The following DAB1 variants were observed in gnomAD, a reference collection of about 807,000 sequenced individuals.
The protein encoded by DAB1 is disabled homolog 1.
Under a neutral mutation model 64.6 loss-of-function variants are expected in DAB1, and 15 were observed. The observed-to-expected ratio is 0.23, with a 90% confidence interval of 0.16 to 0.36. DAB1 has a LOEUF of 0.36. Among genes scored for constraint, DAB1 ranks in the 10% least tolerant of loss-of-function variants. The probability of loss-of-function intolerance (pLI) is 1.00; values close to 1 mark genes in which losing one functional copy is unlikely to be tolerated. For synonymous variants in DAB1, 235 were observed against 251.9 expected, an observed-to-expected ratio of 0.93 and a Z score of 0.64; for missense variants, 596 against 706.7, an observed-to-expected ratio of 0.84 and a Z score of 1.78.
intron 7 of DAB1, among the ~76,000 whole-genome samples, chr1:57,598,760 A>G (rs937848710): frequency 6.6e-6 from 1 of 152,164 alleles, no homozygotes; most frequent in African/African-American, 2.4e-5. Context: ...CCCAGTCCAC[A>G]TGAGGGGAAA....
Position 57,731,489 on chromosome 1 carries a change from T to TA in DAB1, n.552-81825dup, listed in dbSNP as rs562415767. ...TTATGCTATGTATATCTTACCACAA[T>TA]AAAAAATGAAAAAAAAGAATTAATA... On this transcript the variant is annotated intron_variant and non_coding_transcript_variant, in intron 6 of 20. Transcript: ENST00000485760. Among the ~76,000 whole-genome samples the TA allele has an allele frequency of 2.0e-4, 30 of 151,776 alleles. No homozygotes were observed. In the East Asian group the frequency reaches 5.4e-3, roughly 27 times the overall value.
intron 14 of DAB1, among the ~76,000 whole-genome samples, chr1:57,007,814 C>T (rs533871250): frequency 6.6e-6 from 1 of 152,332 alleles, no homozygotes; most frequent in African/African-American, 2.4e-5. Flanking sequence ...ATAACTTTCC[C>T]TGCATGGTCT....
rs138092513 is a variant in DAB1 at position 58,010,443 on chromosome 1, C to T, written n.388-126281G>A. Among the ~76,000 whole-genome samples, 588 of 152,270 alleles carry T rather than the reference C, an allele frequency of 3.9e-3. 12 individuals are homozygous for T. Among genetic ancestry groups the T allele is most frequent in the Non-Finnish European group, 8.1e-4 (55 of 68,018 alleles). On this transcript the variant is annotated intron_variant and non_coding_transcript_variant, in intron 5 of 20. Transcript: ENST00000485760. The stretch of plus-strand genomic sequence containing the variant: ...AAAGCGCCACACATGCTTGGAAGAA[C>T]ACACACATAAAAGCGCAATTTGAAC...
intron 3 of DAB1, among the ~76,000 whole-genome samples, chr1:58,475,695 A>G (rs1286677725): frequency 1.3e-5 from 2 of 152,164 alleles, no homozygotes; most frequent in Non-Finnish European, 2.9e-5. Flanking sequence ...AATCAGCACA[A>G]TGCAGCACTT....
At chr1:58,018,015 C>T (rs918357286) in intron 5 of DAB1, among the ~76,000 whole-genome samples, 3 of 152,254 alleles carry the variant, frequency 2.0e-5, no homozygotes, top group South Asian at 2.1e-4. Flanking sequence ...AACCACGGTT[C>T]GCCAATTGAC....
At chr1:57,371,899 G>T (rs1010163956) in intron 1 of DAB1, among the ~76,000 whole-genome samples, 6 of 152,194 alleles carry the variant, frequency 3.9e-5, no homozygotes, top group African/African-American at 9.6e-5. Flanking sequence ...AGAGGCCAGG[G>T]ATGCTACTAA....
intron 4 of DAB1, among the ~76,000 whole-genome samples, chr1:58,176,590 G>A (rs1185008632): frequency 1.3e-5 from 2 of 152,140 alleles, no homozygotes; most frequent in Admixed American, 1.3e-4. Flanking sequence ...GAAGGCAAGA[G>A]GGCAAGAGAG....
chr1:58,330,384 T>C (rs1457866971), intron 4 of DAB1, among the ~76,000 whole-genome samples: 1 of 152,214 alleles, frequency 6.6e-6, no homozygotes, highest in Non-Finnish European at 1.5e-5. Flanking sequence ...ATAACATAAA[T>C]GTGCAAGGTG....
chr1:57,489,136 C>T (rs1047647080), intron 7 of DAB1, among the ~76,000 whole-genome samples: 1 of 152,224 alleles, frequency 6.6e-6, no homozygotes, highest in Non-Finnish European at 1.5e-5. Flanking sequence ...CCTCTTGATG[C>T]TTTTGCCACT....
At chr1:57,648,711 T>C (rs1220924061) in intron 7 of DAB1, among the ~76,000 whole-genome samples, 1 of 152,212 alleles carries the variant, frequency 6.6e-6, no homozygotes, top group Non-Finnish European at 1.5e-5. Context: ...AAATATATTA[T>C]CTGGGCTTTT....
chr1:58,523,296 T>C (rs1455138089), intron 2 of DAB1, among the ~76,000 whole-genome samples: 1 of 152,242 alleles, frequency 6.6e-6, no homozygotes, highest in Non-Finnish European at 1.5e-5. Flanking sequence ...AACATCTGGA[T>C]AGTTTGCTTC....
chr1:57,532,219 G>A (rs1272525286), intron 7 of DAB1, among the ~76,000 whole-genome samples: 2 of 148,964 alleles, frequency 1.3e-5, no homozygotes, highest in Non-Finnish European at 3.0e-5. Flanking sequence ...ACAGGGTTGG[G>A]GGAGGAGTGA....
At chr1:58,102,997 C>T (rs920360791) in intron 5 of DAB1, among the ~76,000 whole-genome samples, 1 of 152,098 alleles carries the variant, frequency 6.6e-6, no homozygotes, top group African/African-American at 2.4e-5. Flanking sequence ...CTGGATAGAA[C>T]TGTTTGGATC....
chr1:57,742,503 T>A (rs1333237448), intron 6 of DAB1, among the ~76,000 whole-genome samples: 1 of 152,010 alleles, frequency 6.6e-6, no homozygotes, highest in Non-Finnish European at 1.5e-5. Flanking sequence ...CTCTTTATGA[T>A]AGTGACATGA....
chr1:58,075,273 A>G (rs965635790), intron 5 of DAB1, among the ~76,000 whole-genome samples: 1 of 152,168 alleles, frequency 6.6e-6, no homozygotes, highest in Non-Finnish European at 1.5e-5. Flanking sequence ...TCTGTTCAAA[A>G]ATACTCTGGG....
intron 5 of DAB1, among the ~76,000 whole-genome samples, chr1:58,076,316 C>T (rs1411659912): frequency 1.3e-5 from 2 of 152,122 alleles, no homozygotes; most frequent in South Asian, 2.1e-4. Context: ...AGGTGATAAG[C>T]AGGAGATCAG....
intron 3 of DAB1, among the ~76,000 whole-genome samples, chr1:58,431,864 T>C (rs1644879814): frequency 6.6e-6 from 1 of 152,166 alleles, no homozygotes; most frequent in African/African-American, 2.4e-5. Context: ...TGTGAACTGA[T>C]GAGATGTGAA....
chr1:57,653,773 C>T (rs551768366), intron 6 of DAB1, among the ~76,000 whole-genome samples: 12 of 152,208 alleles, frequency 7.9e-5, no homozygotes, highest in African/African-American at 1.4e-4. Flanking sequence ...CCACCACGAT[C>T]GGCTAATTTT....
intron 2 of DAB1, among the ~76,000 whole-genome samples, chr1:57,195,703 G>A (rs1293285769): frequency 6.6e-6 from 1 of 152,230 alleles, no homozygotes; most frequent in Non-Finnish European, 1.5e-5. Context: ...TCCTAATTGT[G>A]TGACTTTGGG....
Sources: gnomAD v4.1 joint callset for allele counts (sites outside exome capture counted in the v4.1 genomes callset) on GRCh38, gnomAD v4.1.1 for gene constraint, MANE v1.5 for transcripts, NCBI Gene and HGNC (gene_info 2026-07-23, HGNC 2026-07-21) for gene names.